The following GRXCR1 variants were observed in gnomAD, a reference collection of about 807,000 sequenced individuals.
GRXCR1 encodes the protein glutaredoxin and cysteine rich domain containing 1.
GRXCR1 carries 27 observed loss-of-function variants against 27.3 expected under a neutral mutation model. The ratio of observed to expected loss-of-function variants is 0.99; its 90% CI spans 0.73 to 1.37. The LOEUF (loss-of-function observed/expected upper bound fraction) is 1.37, where lower values mean the gene tolerates loss of function less well. GRXCR1 is among the 40% of genes most tolerant of loss of function. The probability of loss-of-function intolerance (pLI) is 0.00; values close to 1 mark genes in which losing one functional copy is unlikely to be tolerated. For missense variants in GRXCR1, 379 were observed against 354.4 expected (o/e 1.07, Z -0.56); for synonymous variants, 122 against 131.1 (o/e 0.93, Z 0.47).
At chr4:42,913,446 G>T (rs1306867806) in intron 1 of GRXCR1, among the ~76,000 whole-genome samples, 1 of 152,136 alleles carries the variant, frequency 6.6e-6, no homozygotes, top group African/African-American at 2.4e-5. Flanking sequence ...GAGACTGGCA[G>T]CATTTTGCAT....
chr4:42,960,261 T>G (rs2109773695), intron 1 of GRXCR1, among the ~76,000 whole-genome samples: 1 of 152,086 alleles, frequency 6.6e-6, no homozygotes, highest in Admixed American at 6.6e-5. Flanking sequence ...GTGGATCATT[T>G]TGGTAGAAAA....
At chr4:42,941,140 C>T (rs1398758974) in intron 1 of GRXCR1, among the ~76,000 whole-genome samples, 1 of 151,932 alleles carries the variant, frequency 6.6e-6, no homozygotes, top group Non-Finnish European at 1.5e-5. Context: ...GGAATTGTAA[C>T]CATAAATCTA....
intron 1 of GRXCR1, among the ~76,000 whole-genome samples, chr4:42,897,921 C>CTATTATTAT (rs3075913): frequency 1.0e-4 from 13 of 127,060 alleles, no homozygotes; most frequent in African/African-American, 3.0e-4. Flanking sequence ...AAAGTTATTA[C>CTATTATTAT]TATTATTATT....
chr4:42,897,092 A>G (rs370380242), intron 1 of GRXCR1, among the ~76,000 whole-genome samples: 26 of 152,268 alleles, frequency 1.7e-4, no homozygotes, highest in African/African-American at 6.3e-4. Context: ...TTCTTTAAAA[A>G]TTAGCCATTG....
intron 1 of GRXCR1, among the ~76,000 whole-genome samples, chr4:42,940,637 G>T (rs1427487500): frequency 5.3e-5 from 8 of 152,164 alleles, no homozygotes; most frequent in African/African-American, 1.9e-4. Context: ...AATAATATTA[G>T]TTGGCTTCTA....
chr4:42,951,260 A>G (rs1473081529), intron 1 of GRXCR1, among the ~76,000 whole-genome samples: 1 of 152,172 alleles, frequency 6.6e-6, no homozygotes, highest in Non-Finnish European at 1.5e-5. Flanking sequence ...GACCACCTAC[A>G]TCAGGGAAGG....
chr4:42,899,071 T>C (rs1746410415), intron 1 of GRXCR1, among the ~76,000 whole-genome samples: 2 of 152,140 alleles, frequency 1.3e-5, no homozygotes, highest in African/African-American at 2.4e-5. Flanking sequence ...TCCTTGGCTC[T>C]TGCTTATGGT....
intron 3 of GRXCR1, among the ~76,000 whole-genome samples, chr4:43,026,433 T>TGA (rs1316744436): frequency 6.8e-6 from 1 of 147,028 alleles, no homozygotes; most frequent in Non-Finnish European, 1.5e-5. Flanking sequence ...TCCTGGGTGC[T>TGA]GAGGGGGCAC....
intron 2 of GRXCR1, among the ~76,000 whole-genome samples, chr4:43,006,771 A>G (rs1028281476): frequency 6.6e-6 from 1 of 152,126 alleles, no homozygotes; most frequent in Non-Finnish European, 1.5e-5. Context: ...ACCCACACCT[A>G]TTCACACACT....
At chr4:43,026,058 A>G (rs1259451202) in intron 3 of GRXCR1, among the ~76,000 whole-genome samples, 1 of 152,062 alleles carries the variant, frequency 6.6e-6, no homozygotes, top group Non-Finnish European at 1.5e-5. Flanking sequence ...ACTAGTTGTA[A>G]TGTTACTAAT....
intron 1 of GRXCR1, among the ~76,000 whole-genome samples, chr4:42,954,443 T>C (rs1747953116): frequency 6.6e-6 from 1 of 152,102 alleles, no homozygotes. Context: ...AGTAAGGACT[T>C]AGGAGGCAGA....
intron 2 of GRXCR1, among the ~76,000 whole-genome samples, chr4:42,968,363 C>G (rs1178449770): frequency 6.6e-6 from 1 of 152,094 alleles, no homozygotes; most frequent in Non-Finnish European, 1.5e-5. Flanking sequence ...AATTGGTCTA[C>G]TTTCTGGCAA....
chr4:43,010,136 T>C (rs1463363454), intron 2 of GRXCR1, among the ~76,000 whole-genome samples: 1 of 152,148 alleles, frequency 6.6e-6, no homozygotes, highest in Non-Finnish European at 1.5e-5. Context: ...TTTAAGAGTA[T>C]CATGCCTGTA....
chr4:42,994,187 G>A (rs1712072586), intron 2 of GRXCR1, among the ~76,000 whole-genome samples: 1 of 152,110 alleles, frequency 6.6e-6, no homozygotes, highest in South Asian at 2.1e-4. Context: ...AGGTGGAGAG[G>A]ACTATAAGTC....
intron 2 of GRXCR1, among the ~76,000 whole-genome samples, chr4:43,008,557 G>C (rs182259772): frequency 6.6e-6 from 1 of 152,178 alleles, no homozygotes; most frequent in Non-Finnish European, 1.5e-5. Flanking sequence ...TACTATCATA[G>C]TGTGTGATTA....
chr4:42,987,002 A>ATG (rs36224914), intron 2 of GRXCR1, among the ~76,000 whole-genome samples: 6,715 of 140,700 alleles, frequency 0.048, 209 homozygotes, highest in Admixed American at 0.1. Flanking sequence ...AGATATGTGT[A>ATG]TGTGTGTGTG....
chr4:43,023,485 G>C (rs1265045481), intron 3 of GRXCR1, among the ~76,000 whole-genome samples: 1 of 152,168 alleles, frequency 6.6e-6, no homozygotes, highest in Admixed American at 6.5e-5. Flanking sequence ...CTGATTTGTT[G>C]ATGAAGATTA....
intron 2 of GRXCR1, among the ~76,000 whole-genome samples, chr4:42,987,222 T>TATTATATATATATATA (rs369022273): frequency 1.6e-4 from 16 of 100,594 alleles, no homozygotes; most frequent in Non-Finnish European, 7.7e-5. Context: ...TATATATATA[T>TATTATATATATATATA]TATATATTAT....
chr4:42,954,769 G>C (rs1747959476), intron 1 of GRXCR1, among the ~76,000 whole-genome samples: 1 of 152,124 alleles, frequency 6.6e-6, no homozygotes, highest in African/African-American at 2.4e-5. Context: ...CTCACCTTCA[G>C]AGCTGAATAG....
Sources: gnomAD v4.1 joint callset for allele counts (sites outside exome capture counted in the v4.1 genomes callset) on GRCh38, gnomAD v4.1.1 for gene constraint, MANE v1.5 for transcripts, NCBI Gene and HGNC (gene_info 2026-07-23, HGNC 2026-07-21) for gene names.